The following NFIA variants were observed in gnomAD, a reference collection of about 807,000 sequenced individuals.
NFIA encodes nuclear factor I A, also known as nuclear factor 1 A-type.
In NFIA, 8 loss-of-function variants were observed where a neutral mutation model predicts 62.8. The observed-to-expected ratio is 0.13, with a 90% CI of 0.07 to 0.23. The LOEUF (loss-of-function observed/expected upper bound fraction) is 0.23. Ranked by LOEUF, NFIA falls within the 10% of genes least tolerant of loss-of-function variation. The pLI, the probability that NFIA is intolerant of heterozygous loss-of-function variation, is 1.00. For missense variants in NFIA, 410 were observed against 642.1 expected (o/e 0.64, Z 3.91); for synonymous variants, 235 against 238.1 (o/e 0.99, Z 0.12).
intron 3 of NFIA, among the ~76,000 whole-genome samples, chr1:61,301,941 C>T (rs765838729): frequency 6.6e-6 from 1 of 152,188 alleles, no homozygotes; most frequent in African/African-American, 2.4e-5. Context: ...CGCTGCTGAC[C>T]TGGTAACCTT....
intron 2 of NFIA, among the ~76,000 whole-genome samples, chr1:61,203,405 T>TAA: frequency 6.6e-6 from 1 of 152,260 alleles, no homozygotes; most frequent in Admixed American, 6.5e-5. Flanking sequence ...CTCACCACCC[T>TAA]CCCTTATTTA....
At chr1:61,122,323 T>C (rs1646900571) in intron 2 of NFIA, among the ~76,000 whole-genome samples, 1 of 152,246 alleles carries the variant, frequency 6.6e-6, no homozygotes. Flanking sequence ...AGAGTTATAG[T>C]GCAGTAAGAC....
intron 9 of NFIA, among the ~76,000 whole-genome samples, chr1:61,425,426 G>A (rs1279692397): frequency 2.0e-5 from 3 of 152,196 alleles, no homozygotes; most frequent in Non-Finnish European, 4.4e-5. Context: ...TTTGTCTAGA[G>A]TTAGCTTAAA....
intron 2 of NFIA, among the ~76,000 whole-genome samples, chr1:61,273,120 A>C (rs1169026016): frequency 6.6e-6 from 1 of 152,132 alleles, no homozygotes; most frequent in African/African-American, 2.4e-5. Context: ...AGGGTTCCTC[A>C]CCAGTGTGTC....
intron 4 of NFIA, among the ~76,000 whole-genome samples, chr1:61,338,317 A>G (rs1030859457): frequency 6.6e-6 from 1 of 152,158 alleles, no homozygotes; most frequent in South Asian, 2.1e-4. Context: ...CGGGTCCACT[A>G]CAGGATTCCT....
intron 2 of NFIA, among the ~76,000 whole-genome samples, chr1:61,161,583 TGCA>T (rs1274413250): frequency 1.7e-4 from 14 of 81,082 alleles, no homozygotes; most frequent in African/African-American, 6.5e-4. Context: ...ATGCGCCATG[TGCA>T]ACACACACAC....
intron 2 of NFIA, among the ~76,000 whole-genome samples, chr1:61,252,318 T>C (rs1332493616): frequency 6.6e-6 from 1 of 152,238 alleles, no homozygotes; most frequent in African/African-American, 2.4e-5. Flanking sequence ...TTACCAGTTG[T>C]GTGCTTACCA....
rs1468938803 is a variant in NFIA, at chr1:61,297,393, G to A, written c.625+19808G>A. 2.0e-5 allele frequency among the ~76,000 whole-genome samples: 3 copies of A among 152,108 alleles called. No homozygotes were observed. The South Asian group carries it at 6.2e-4, about 32-fold the overall frequency. On this transcript the variant is annotated intron_variant, in intron 3 of 10. Transcript: ENST00000403491. ...ATCAGCCCCATCATTGCAAACCACT[G>A]ACCCATAGCTTACATTACTTAAACC...
chr1:61,364,198 A>C (rs1480051749), intron 6 of NFIA, among the ~76,000 whole-genome samples: 1 of 152,092 alleles, frequency 6.6e-6, no homozygotes, highest in Admixed American at 6.5e-5. Flanking sequence ...CTCCTGCCTC[A>C]GCCTCCCAAA....
chr1:61,405,074 A>T (rs1468713354), intron 8 of NFIA, among the ~76,000 whole-genome samples: 1 of 152,230 alleles, frequency 6.6e-6, no homozygotes. Context: ...ATAACTGTGC[A>T]TGAAGTCACA....
chr1:61,353,927 C>T (rs1662688121), intron 5 of NFIA, among the ~76,000 whole-genome samples: 1 of 152,148 alleles, frequency 6.6e-6, no homozygotes, highest in East Asian at 1.9e-4. Context: ...TGAATGTTTG[C>T]TGATGGGAGA....
chr1:61,275,190 A>G (rs1320927130), intron 2 of NFIA, among the ~76,000 whole-genome samples: 1 of 152,148 alleles, frequency 6.6e-6, no homozygotes, highest in Non-Finnish European at 1.5e-5. Flanking sequence ...ACCAACTCTG[A>G]GCATTTTCTT....
intron 2 of NFIA, among the ~76,000 whole-genome samples, chr1:61,161,417 C>G (rs547573739): frequency 3.6e-4 from 55 of 152,218 alleles, no homozygotes; most frequent in African/African-American, 1.2e-3. Flanking sequence ...CATTCCAGAG[C>G]AGCAAATAAA....
At chr1:61,427,380 C>T (rs1484655297) in intron 10 of NFIA, among the ~76,000 whole-genome samples, 1 of 152,132 alleles carries the variant, frequency 6.6e-6, no homozygotes, top group African/African-American at 2.4e-5. Flanking sequence ...TCTCTGATTT[C>T]CTAATTAGAA....
chr1:61,182,476 T>C (rs1650821890), intron 2 of NFIA, among the ~76,000 whole-genome samples: 1 of 152,264 alleles, frequency 6.6e-6, no homozygotes, highest in Non-Finnish European at 1.5e-5. Context: ...TTGCAACAAA[T>C]TCAACTTTAG....
chr1:61,193,539 G>C (rs528121399), intron 2 of NFIA, among the ~76,000 whole-genome samples: 1 of 152,310 alleles, frequency 6.6e-6, no homozygotes, highest in East Asian at 1.9e-4. Flanking sequence ...GTAAAAATAA[G>C]TCATTCTTCC....
At chr1:61,198,488 TTGAC>T (rs923867454) in intron 2 of NFIA, among the ~76,000 whole-genome samples, 4 of 152,210 alleles carry the variant, frequency 2.6e-5, no homozygotes, top group African/African-American at 7.2e-5. Flanking sequence ...ACTAGGGTCT[TTGAC>T]TGAGAAGTCA....
chr1:61,367,858 CT>C (rs1481274705), intron 6 of NFIA, among the ~76,000 whole-genome samples: 3 of 151,692 alleles, frequency 2.0e-5, no homozygotes, highest in Non-Finnish European at 2.9e-5. Flanking sequence ...ATCCAGAAAA[CT>C]GTTTGGATTC....
intron 2 of NFIA, among the ~76,000 whole-genome samples, chr1:61,185,271 C>A (rs1186268619): frequency 6.6e-6 from 1 of 152,146 alleles, no homozygotes; most frequent in Non-Finnish European, 1.5e-5. Flanking sequence ...AGGTAGTAGT[C>A]TTCTGAGCCC....
Sources: allele counts gnomAD v4.1 joint callset (sites outside exome capture counted in the v4.1 genomes callset), GRCh38; gene constraint gnomAD v4.1.1; transcripts MANE v1.5; gene names NCBI Gene and HGNC (gene_info 2026-07-23, HGNC 2026-07-21).